SPIDR: variants seen among roughly 807,000 people sequenced by gnomAD.
The protein encoded by SPIDR is scaffold protein involved in DNA repair.
In SPIDR, 93 loss-of-function variants were observed where a neutral mutation model predicts 104.6. The ratio of observed to expected loss-of-function variants is 0.89; its 90% confidence interval spans 0.75 to 1.06. The LOEUF is 1.06. Among genes scored for constraint, SPIDR ranks in the 50% least tolerant of loss-of-function variants. The pLI, the probability that SPIDR is intolerant of heterozygous loss-of-function variation, is 0.00. For missense variants in SPIDR, 1,154 were observed against 1,111.2 expected (o/e 1.04, Z -0.55); for synonymous variants, 431 against 416.9 (o/e 1.03, Z -0.41).
At chr8:47,346,483 A>C (rs2052066185) in intron 5 of SPIDR, among the ~76,000 whole-genome samples, 1 of 152,174 alleles carries the variant, frequency 6.6e-6, no homozygotes, top group African/African-American at 2.4e-5. Context: ...TGGCCTCATA[A>C]AATGAATTAG....
At chr8:47,664,797 G>A (rs563028436) in intron 10 of SPIDR, among the ~76,000 whole-genome samples, 6 of 148,944 alleles carry the variant, frequency 4.0e-5, no homozygotes, top group African/African-American at 7.4e-5. Flanking sequence ...TTGGGAGGCC[G>A]CAGTGGAAGC....
At chr8:47,293,100 G>C (rs1414295912) in intron 4 of SPIDR, among the ~76,000 whole-genome samples, 2 of 151,974 alleles carry the variant, frequency 1.3e-5, no homozygotes, top group African/African-American at 4.8e-5. Context: ...TCTCAGTGGT[G>C]GTCTGACCTT....
intron 5 of SPIDR, among the ~76,000 whole-genome samples, chr8:47,343,494 A>G (rs1011582058): frequency 1.1e-4 from 16 of 152,302 alleles, no homozygotes; most frequent in Admixed American, 3.3e-4. Context: ...AAGCTGCTTT[A>G]TTACTTACAG....
At position 47,302,202 on chromosome 8, in the gene SPIDR, C is replaced by T. The variant is rs2042203932; in HGVS notation, c.525+8172C>T. ...CACTTCATTTCATTCATTTCATCTT[C>T]CATCACTGATACCCTTTCTTCCAGT... On this transcript the variant is annotated intron_variant, in intron 5 of 19. Transcript: ENST00000297423. Among the ~76,000 whole-genome samples, 3 of 151,468 alleles carry T rather than the reference C, an allele frequency of 2.0e-5. No homozygotes were observed. In the South Asian group the frequency reaches 6.3e-4, roughly 32 times the overall value.
chr8:47,425,391 A>G (rs2066256614), intron 7 of SPIDR, among the ~76,000 whole-genome samples: 1 of 152,140 alleles, frequency 6.6e-6, no homozygotes, highest in Non-Finnish European at 1.5e-5. Context: ...GACTAGATGG[A>G]TGACAAGCAG....
At chr8:47,390,843 ATC>A (rs1249544540) in intron 5 of SPIDR, among the ~76,000 whole-genome samples, 1 of 152,154 alleles carries the variant, frequency 6.6e-6, no homozygotes, top group Non-Finnish European at 1.5e-5. Context: ...TCAAAAACAA[ATC>A]TGTCTTGTTC....
intron 8 of SPIDR, among the ~76,000 whole-genome samples, chr8:47,488,734 G>A (rs1343175692): frequency 6.6e-6 from 1 of 152,086 alleles, no homozygotes; most frequent in Non-Finnish European, 1.5e-5. Flanking sequence ...CATATAAACG[G>A]AACCAAAGAC....
At chr8:47,678,586 G>A (rs2076721922) in intron 11 of SPIDR, among the ~76,000 whole-genome samples, 1 of 152,186 alleles carries the variant, frequency 6.6e-6, no homozygotes, top group Non-Finnish European at 1.5e-5. Context: ...GAGGCTCAGA[G>A]CACCCACTTT....
intron 8 of SPIDR, among the ~76,000 whole-genome samples, chr8:47,576,051 T>G (rs181878360): frequency 1.2e-4 from 18 of 151,866 alleles, no homozygotes; most frequent in African/African-American, 4.3e-4. Context: ...GAAATACTAT[T>G]TTGAAAATTT....
chr8:47,400,582 T>G (rs1554661841), intron 6 of SPIDR, among the ~76,000 whole-genome samples: 2 of 152,072 alleles, frequency 1.3e-5, no homozygotes, highest in African/African-American at 4.8e-5. Flanking sequence ...GAGAGGTAGT[T>G]GACATTTGAA....
At chr8:47,363,199 C>CTTTTTTTTTTTTTTTTTTTTTT (rs34705214) in intron 5 of SPIDR, among the ~76,000 whole-genome samples, 1 of 79,696 alleles carries the variant, frequency 1.3e-5, no homozygotes, top group Non-Finnish European at 2.3e-5. Context: ...CTTTATCTCT[C>CTTTTTTTTTTTTTTTTTTTTTT]TTTTTTTTTT....
intron 11 of SPIDR, among the ~76,000 whole-genome samples, chr8:47,693,108 G>T (rs2078901807): frequency 6.6e-6 from 1 of 152,180 alleles, no homozygotes; most frequent in Admixed American, 6.5e-5. Flanking sequence ...GCTATTTGTT[G>T]CTGTCTGCCT....
At chr8:47,587,245 G>A (rs1186552440) in intron 8 of SPIDR, among the ~76,000 whole-genome samples, 2 of 152,082 alleles carry the variant, frequency 1.3e-5, no homozygotes, top group African/African-American at 4.8e-5. Flanking sequence ...GTGAGAATGA[G>A]GTTAAAGCTT....
chr8:47,635,347 TA>T (rs1220586416), intron 10 of SPIDR, among the ~76,000 whole-genome samples: 7 of 151,552 alleles, frequency 4.6e-5, no homozygotes. Context: ...CTCAAAAAAA[TA>T]AAATAAAATA....
At chr8:47,354,528 A>C (rs1220481380) in intron 5 of SPIDR, among the ~76,000 whole-genome samples, 2 of 152,208 alleles carry the variant, frequency 1.3e-5, no homozygotes, top group African/African-American at 4.8e-5. Context: ...ATTCTGCCTT[A>C]CAACTAGCTT....
intron 11 of SPIDR, among the ~76,000 whole-genome samples, chr8:47,698,976 A>C (rs542976395): frequency 2.6e-5 from 4 of 152,204 alleles, no homozygotes; most frequent in Non-Finnish European, 4.4e-5. Context: ...AGGGAAATTG[A>C]TAAGCACTCT....
At chr8:47,652,370 G>A (rs1371031660) in intron 10 of SPIDR, among the ~76,000 whole-genome samples, 1 of 152,246 alleles carries the variant, frequency 6.6e-6, no homozygotes, top group Non-Finnish European at 1.5e-5. Context: ...TAGAGGCCGT[G>A]TTTTGCTGGG....
At chr8:47,517,128 G>A (rs1416182288) in intron 8 of SPIDR, among the ~76,000 whole-genome samples, 2 of 152,016 alleles carry the variant, frequency 1.3e-5, no homozygotes, top group African/African-American at 2.4e-5. Flanking sequence ...GGGATTACAG[G>A]AACCTGCCAC....
At chr8:47,414,192 T>C (rs2063908543) in intron 7 of SPIDR, among the ~76,000 whole-genome samples, 1 of 152,192 alleles carries the variant, frequency 6.6e-6, no homozygotes, top group Non-Finnish European at 1.5e-5. Flanking sequence ...ATTATTGATA[T>C]TAATACACAT....
Sources: allele counts gnomAD v4.1 joint callset (sites outside exome capture counted in the v4.1 genomes callset), GRCh38; gene constraint gnomAD v4.1.1; transcripts MANE v1.5; gene names NCBI Gene and HGNC (gene_info 2026-07-23, HGNC 2026-07-21).